Variants in CNTN5 observed in about 807,000 individuals in gnomAD.
CNTN5 encodes the protein contactin 5, also known as contactin-5.
In CNTN5, 77 loss-of-function variants were observed where a neutral mutation model predicts 129.1. That is an observed-to-expected ratio of 0.60 (90% CI 0.50 to 0.72). CNTN5 has a LOEUF of 0.72. Ranked by LOEUF, CNTN5 falls within the 30% of genes least tolerant of loss-of-function variation. The pLI, the probability that CNTN5 is intolerant of heterozygous loss-of-function variation, is 0.00. For missense variants in CNTN5, 1,478 were observed against 1,328.8 expected (o/e 1.11, Z -1.75); for synonymous variants, 509 against 465.6 (o/e 1.09, Z -1.20).
At chr11:100,151,403 A>T (rs1315445836) in intron 13 of CNTN5, among the ~76,000 whole-genome samples, 1 of 152,064 alleles carries the variant, frequency 6.6e-6, no homozygotes. Flanking sequence ...GTGAAGGGGT[A>T]GGGGGAGACA....
chr11:99,853,905 G>A (rs946432256), intron 6 of CNTN5, among the ~76,000 whole-genome samples: 7 of 152,088 alleles, frequency 4.6e-5, no homozygotes, highest in South Asian at 4.1e-4. Flanking sequence ...TAATAAAACA[G>A]TAGCTCCAAA....
intron 18 of CNTN5, among the ~76,000 whole-genome samples, chr11:100,292,201 GA>G (rs1157697826): frequency 6.6e-6 from 1 of 152,044 alleles, no homozygotes; most frequent in African/African-American, 2.4e-5. Context: ...ACAAGAAGGA[GA>G]AAAGCTTCCA....
At chr11:100,248,447 G>A (rs1478300538) in intron 16 of CNTN5, among the ~76,000 whole-genome samples, 1 of 152,108 alleles carries the variant, frequency 6.6e-6, no homozygotes, top group Non-Finnish European at 1.5e-5. Flanking sequence ...TCAGGTGGCT[G>A]AGGCAGGAGG....
chr11:100,116,337 G>A (rs1945839206), intron 13 of CNTN5, among the ~76,000 whole-genome samples: 1 of 151,940 alleles, frequency 6.6e-6, no homozygotes, highest in Admixed American at 6.6e-5. Context: ...GCAAAAAGAA[G>A]TCGCCTTCAT....
chr11:99,541,138 T>G (rs1011919820), intron 2 of CNTN5, among the ~76,000 whole-genome samples: 6 of 152,128 alleles, frequency 3.9e-5, no homozygotes, highest in African/African-American at 1.4e-4. Context: ...TCTGCCCTAC[T>G]CTGGAAGATT....
At chr11:99,963,820 C>G (rs1951018142) in intron 8 of CNTN5, among the ~76,000 whole-genome samples, 1 of 152,034 alleles carries the variant, frequency 6.6e-6, no homozygotes, top group South Asian at 2.1e-4. Context: ...TGTTTGTATC[C>G]TCTTTTGTTT....
At chr11:99,556,370 AT>A in intron 3 of CNTN5, 101 bp downstream of exon 3, 1 of 679,472 alleles carries the variant, frequency 1.5e-6, no homozygotes, top group South Asian at 2.4e-5. Context: ...ATTAATTTAA[AT>A]TTATATCAGT....
intron 13 of CNTN5, among the ~76,000 whole-genome samples, chr11:100,147,787 G>T (rs1946904765): frequency 6.6e-6 from 1 of 151,762 alleles, no homozygotes; most frequent in South Asian, 2.1e-4. Context: ...CATTCTCCAG[G>T]GACTGGGTGC....
intron 3 of CNTN5, among the ~76,000 whole-genome samples, chr11:99,687,130 A>G (rs1478824630): frequency 1.3e-5 from 2 of 151,932 alleles, no homozygotes; most frequent in African/African-American, 2.4e-5. Flanking sequence ...TAATGTACTT[A>G]CGTATCTACC....
intron 3 of CNTN5, among the ~76,000 whole-genome samples, chr11:99,560,900 ATG>A (rs1948821584): frequency 1.3e-5 from 2 of 151,960 alleles, no homozygotes; most frequent in Non-Finnish European, 2.9e-5. Context: ...AGACACACAC[ATG>A]TGTGTGTGTT....
intron 1 of CNTN5, among the ~76,000 whole-genome samples, chr11:99,119,458 A>G (rs545046722): frequency 6.6e-6 from 1 of 152,270 alleles, no homozygotes; most frequent in South Asian, 2.1e-4. Flanking sequence ...TGTTCCTTCA[A>G]AGGACATGAT....
chr11:99,486,657 T>A (rs1203611027), intron 2 of CNTN5, among the ~76,000 whole-genome samples: 1 of 152,100 alleles, frequency 6.6e-6, no homozygotes, highest in African/African-American at 2.4e-5. Flanking sequence ...AAAAATGTAG[T>A]TTAGATTTTC....
At chr11:99,921,000 C>A (rs1949924901) in intron 7 of CNTN5, among the ~76,000 whole-genome samples, 2 of 152,106 alleles carry the variant, frequency 1.3e-5, no homozygotes, top group African/African-American at 4.8e-5. Flanking sequence ...AGCTCTCTTT[C>A]TCTACTGAAT....
intron 6 of CNTN5, among the ~76,000 whole-genome samples, chr11:99,870,760 C>T (rs915499643): frequency 3.9e-5 from 6 of 151,958 alleles, no homozygotes; most frequent in African/African-American, 9.7e-5. Flanking sequence ...CATCATATTT[C>T]CCCTCTCCTT....
intron 23 of CNTN5, among the ~76,000 whole-genome samples, chr11:100,349,078 T>C (rs1035744679): frequency 2.0e-4 from 31 of 151,810 alleles, no homozygotes; most frequent in African/African-American, 7.5e-4. Flanking sequence ...ATAAAATTGT[T>C]GCACATCATA....
chr11:100,062,159 C>G (rs1943510490), intron 10 of CNTN5, among the ~76,000 whole-genome samples: 1 of 152,036 alleles, frequency 6.6e-6, no homozygotes, highest in East Asian at 1.9e-4. Context: ...TTCTCATTTT[C>G]TAGGTGAGGA....
chr11:99,205,317 C>T (rs1236435166), intron 1 of CNTN5, among the ~76,000 whole-genome samples: 1 of 152,120 alleles, frequency 6.6e-6, no homozygotes, highest in Non-Finnish European at 1.5e-5. Flanking sequence ...TGATATAGGA[C>T]AGCCATTTCC....
At chr11:100,134,165 CT>C (rs1196311963) in intron 13 of CNTN5, among the ~76,000 whole-genome samples, 20 of 152,236 alleles carry the variant, frequency 1.3e-4, no homozygotes, top group African/African-American at 4.8e-4. Context: ...CTCATAGCTG[CT>C]TCTAATAATT....
chr11:99,909,617 G>A (rs1462785900), intron 6 of CNTN5, among the ~76,000 whole-genome samples: 1 of 152,164 alleles, frequency 6.6e-6, no homozygotes, highest in East Asian at 1.9e-4. Flanking sequence ...ATAAACCATG[G>A]AATACTATGC....
Sources: allele counts gnomAD v4.1 joint callset (sites outside exome capture counted in the v4.1 genomes callset), GRCh38; gene constraint gnomAD v4.1.1; transcripts MANE v1.5; gene names NCBI Gene and HGNC (gene_info 2026-07-23, HGNC 2026-07-21).